KIF18A: variants seen among roughly 807,000 people sequenced by gnomAD.
KIF18A encodes the protein kinesin-like protein KIF18A.
Under a neutral mutation model 103.3 loss-of-function variants are expected in KIF18A, and 67 were observed. That is an observed-to-expected ratio of 0.65 (90% CI 0.53 to 0.79). The LOEUF is 0.79. Among genes scored for constraint, KIF18A ranks in the 30% least tolerant of loss-of-function variants. KIF18A has a pLI of 0.00. For synonymous variants in KIF18A, 367 were observed against 355.5 expected (o/e 1.03, Z -0.36); for missense variants, 1,032 against 1,062.5 (o/e 0.97, Z 0.40).
intron 15 of KIF18A, among the ~76,000 whole-genome samples, chr11:28,024,181 C>T (rs1850282885): frequency 8.6e-6 from 1 of 116,476 alleles, no homozygotes; most frequent in South Asian, 2.7e-4. Context: ...AGCACATAGT[C>T]ACAAGAGGTT....
intron 3 of KIF18A, among the ~76,000 whole-genome samples, chr11:28,093,411 G>C (rs774149013): frequency 8.5e-5 from 13 of 152,126 alleles, no homozygotes; most frequent in Non-Finnish European, 1.9e-4. Flanking sequence ...GTTAATAAGA[G>C]AGAAATTTTA....
intron 11 of KIF18A, among the ~76,000 whole-genome samples, chr11:28,064,441 T>A (rs1590689273): frequency 6.6e-6 from 1 of 152,112 alleles, no homozygotes; most frequent in African/African-American, 2.4e-5. Flanking sequence ...TTGCCACATA[T>A]TGCATCTTTT....
intron 13 of KIF18A, among the ~76,000 whole-genome samples, chr11:28,037,703 T>C (rs907439488): frequency 6.6e-6 from 1 of 151,604 alleles, no homozygotes; most frequent in Non-Finnish European, 1.5e-5. Context: ...AATGAAATAA[T>C]TCAGAGAGTT....
In KIF18A at chr11:28,084,825, G is replaced by T. The variant is rs1034142421; in HGVS notation, c.898-17C>A. The T allele has an allele frequency of 6.3e-7, 1 of 1,593,870 alleles. No homozygotes were observed. The highest frequency in any genetic ancestry group is 1.1e-5 in the South Asian group (1 of 89,690). On this transcript the variant is annotated splice_polypyrimidine_tract_variant and intron_variant, in intron 6 of 16. Transcript: ENST00000263181. ...ATTCTTTCTCTGAAAGCACAAAAAA[G>T]AGATCTTATGTCATTTTCCACATTT...
chr11:28,084,470 T>C (rs1851201988), intron 7 of KIF18A, 162 bp downstream of exon 7: 2 of 356,130 alleles, frequency 5.6e-6, no homozygotes, highest in African/African-American at 2.1e-5. Flanking sequence ...GGTTTAACCG[T>C]CTAAATTAAT....
chr11:28,025,559 T>C (rs903266419), intron 15 of KIF18A, among the ~76,000 whole-genome samples: 3 of 152,008 alleles, frequency 2.0e-5, no homozygotes, highest in Non-Finnish European at 2.9e-5. Flanking sequence ...AATAAAGCCA[T>C]TTGATTAGAA....
chr11:28,090,087 T>C (rs1393686412), intron 5 of KIF18A, among the ~76,000 whole-genome samples: 3 of 152,210 alleles, frequency 2.0e-5, no homozygotes, highest in Non-Finnish European at 4.4e-5. Context: ...AGAAGCTTTA[T>C]ATTATCATTT....
rs1850387443 is a variant in KIF18A, at chr11:28,030,687, T to G, written c.2504+4700A>C. ...AAAGCCAAAATTGACAAATGGGATCTAATTAAACTAAAGAGCTTCTGCACA... is the reference window on the plus strand; with the variant it reads ...AAAGCCAAAATTGACAAATGGGATCGAATTAAACTAAAGAGCTTCTGCACA... On this transcript the variant is annotated intron_variant, in intron 15 of 16. Coordinates refer to ENST00000263181, the MANE Select transcript of KIF18A (RefSeq NM_031217.4). 2.0e-5 allele frequency among the ~76,000 whole-genome samples: 3 copies of G among 151,022 alleles called. No homozygotes were observed. The South Asian group carries it at 6.3e-4, about 32-fold the overall frequency.
At chr11:28,063,751 G>C (rs918054373) in intron 11 of KIF18A, among the ~76,000 whole-genome samples, 5 of 151,878 alleles carry the variant, frequency 3.3e-5, no homozygotes, top group Non-Finnish European at 5.9e-5. Context: ...CCATATGCAG[G>C]GGAGCTATGC....
At chr11:28,025,134 A>G (rs10835263) in intron 15 of KIF18A, among the ~76,000 whole-genome samples, 13,243 of 152,046 alleles carry the variant, frequency 0.087, 1,022 homozygotes, top group East Asian at 0.36. Context: ...GACCATGGGT[A>G]ACTGAAACCA....
rs1430176996 is a variant in KIF18A at position 28,098,245 on chromosome 11, TAAAA to T, written c.-46-256_-46-253del. 1.3e-4 allele frequency among the ~76,000 whole-genome samples: 20 copies of T among 152,046 alleles called. 1 individual carries two copies. Among genetic ancestry groups the T allele is most frequent in the Admixed American group, 4.6e-4 (7 of 15,258 alleles). On this transcript the variant is annotated intron_variant, in intron 1 of 16. Coordinates refer to ENST00000263181, the MANE Select transcript of KIF18A (RefSeq NM_031217.4). The stretch of plus-strand genomic sequence containing the variant: ...GGCACATACGTACACACAACTACGA[TAAAA>T]ATCTCTTTACCTGAAATATTAGTAG...
In KIF18A at chr11:28,097,828, A is replaced by G. The variant is rs958872105; in HGVS notation, c.120T>C (p.His40=). The G allele has an allele frequency of 1.2e-6, 2 of 1,613,172 alleles. No individual in the cohort carries two copies. Among genetic ancestry groups the G allele is most frequent in the African/African-American group, 1.3e-5 (1 of 74,884 alleles). The stretch of plus-strand genomic sequence containing the variant: ...CTTGTTTGGGATCAAAAACTAGGAT[A>G]TGTTTATCCACAACATGAACCACTT... ...FHKVVHVVDK[H]ILVFDPKQEE... The change falls in exon 2 of 17, where the codon CAT becomes CAC. Residue 40 remains histidine (H), a synonymous_variant. Coordinates refer to ENST00000263181, the MANE Select transcript of KIF18A (RefSeq NM_031217.4).
At chr11:28,031,021 G>A (rs1242324673) in intron 15 of KIF18A, among the ~76,000 whole-genome samples, 1 of 151,216 alleles carries the variant, frequency 6.6e-6, no homozygotes, top group Non-Finnish European at 1.5e-5. Context: ...TCATTAAAAA[G>A]TCAGGAAACA....
chr11:28,083,085 G>A (rs1463773350), intron 8 of KIF18A, 84 bp downstream of exon 8: 2 of 1,498,532 alleles, frequency 1.3e-6, no homozygotes, highest in African/African-American at 2.9e-5. Context: ...AGAAAAATAT[G>A]TTAAATTTTT....
At chr11:28,092,423 T>C (rs531942230) in intron 3 of KIF18A, among the ~76,000 whole-genome samples, 1 of 152,314 alleles carries the variant, frequency 6.6e-6, no homozygotes, top group East Asian at 1.9e-4. Flanking sequence ...AAATGATTTG[T>C]CCATGGTCAT....
chr11:28,033,417 A>G (rs978939079), intron 15 of KIF18A, among the ~76,000 whole-genome samples: 8 of 151,732 alleles, frequency 5.3e-5, no homozygotes, highest in Admixed American at 2.6e-4. Flanking sequence ...TACCATGTTT[A>G]TTGCAACACT....
At chr11:28,099,244 C>G (rs564287260) in intron 1 of KIF18A, among the ~76,000 whole-genome samples, 71 of 151,692 alleles carry the variant, frequency 4.7e-4, no homozygotes, top group Non-Finnish European at 8.2e-4. Flanking sequence ...TACAAAAAGA[C>G]AAATATCACA....
intron 6 of KIF18A, among the ~76,000 whole-genome samples, 200 bp from the exon 7 acceptor site, chr11:28,085,008 G>A (rs919650269): frequency 6.6e-6 from 1 of 152,110 alleles, no homozygotes; most frequent in Non-Finnish European, 1.5e-5. Flanking sequence ...GATGATCATG[G>A]ACAATTATCA....
chr11:28,069,874 A>G (rs1850989706), intron 10 of KIF18A, among the ~76,000 whole-genome samples: 1 of 152,146 alleles, frequency 6.6e-6, no homozygotes, highest in Admixed American at 6.6e-5. Flanking sequence ...TAAGGCCTCA[A>G]ATTGGCTGAT....
Sources: allele counts gnomAD v4.1 joint callset (sites outside exome capture counted in the v4.1 genomes callset), GRCh38; gene constraint gnomAD v4.1.1; transcripts MANE v1.5; gene names NCBI Gene and HGNC (gene_info 2026-07-23, HGNC 2026-07-21).